MGAT5B: variants seen among roughly 807,000 people sequenced by gnomAD.
The protein encoded by MGAT5B is alpha-1,6-mannosylglycoprotein 6-beta-N-acetylglucosaminyltransferase B.
Under a neutral mutation model 95.1 loss-of-function variants are expected in MGAT5B, and 54 were observed. The ratio of observed to expected loss-of-function variants is 0.57; its 90% CI spans 0.46 to 0.71. The LOEUF (loss-of-function observed/expected upper bound fraction) is 0.71. MGAT5B is among the 30% of genes least tolerant of loss of function. The probability of loss-of-function intolerance (pLI) is 0.00; values close to 1 mark genes in which losing one functional copy is unlikely to be tolerated. For missense variants in MGAT5B, 935 were observed against 1,088.6 expected (o/e 0.86, Z 1.99); for synonymous variants, 464 against 451.0 (o/e 1.03, Z -0.36).
At position 76,897,191 on chromosome 17, in the gene MGAT5B, A is replaced by G. The variant is rs532340329; in HGVS notation, c.330-5364A>G. ...CTTGCCCTCCCGAAGTACTGGGACT[A>G]CAGGCGTGAACCTCTGGGCCTGGTC... On this transcript the variant is annotated intron_variant, in intron 3 of 17. Transcript: ENST00000569840. 3.3e-5 allele frequency among the ~76,000 whole-genome samples: 5 copies of G among 152,302 alleles called. No individual in the cohort carries two copies. The East Asian group carries it at 9.6e-4, about 29-fold the overall frequency.
Position 76,947,926 on chromosome 17 carries a change from C to T in MGAT5B, c.2020C>T (p.Arg674Trp), listed in dbSNP as rs375795136. Residue 674 changes from arginine to tryptophan, a missense_variant, in exon 17 of 18, where the codon CGG (arginine) becomes TGG (tryptophan). By Grantham distance (101) the Arg-to-Trp change is moderately radical. This residue lies in a region of MGAT5B where 440 missense variants were observed against 523.6 expected (regional missense o/e 0.84). Coordinates refer to ENST00000569840, the MANE Select transcript of MGAT5B (RefSeq NM_001199172.2). ...APNATHLEWA[R>W]NTSLAPGAWP... Reference sequence around the variant, plus strand: ...CAATGCCACCCACCTCGAGTGGGCTCGGAACACCAGCTTGGCTCCTGGGGC... The same window carrying T: ...CAATGCCACCCACCTCGAGTGGGCTTGGAACACCAGCTTGGCTCCTGGGGC... The T allele has an allele frequency of 1.1e-5, 17 of 1,613,182 alleles. No homozygotes were observed. Among genetic ancestry groups the T allele is most frequent in the Middle Eastern group, 1.6e-4 (1 of 6,072 alleles).
chr17:76,919,473 A>C (rs1030936645), intron 8 of MGAT5B, among the ~76,000 whole-genome samples: 4 of 152,266 alleles, frequency 2.6e-5, no homozygotes, highest in African/African-American at 9.6e-5. Context: ...TCTGTTGCCC[A>C]GGCTAGAGTG....
At position 76,930,487 on chromosome 17, in the gene MGAT5B, C is replaced by T. The variant is rs1468179320; in HGVS notation, c.1292-2158C>T. 6.6e-6 allele frequency among the ~76,000 whole-genome samples: 1 copy of T among 152,150 alleles called. No individual in the cohort carries two copies. The highest frequency in any genetic ancestry group is 1.5e-5 in the Non-Finnish European group (1 of 68,042). ...CCCAGCCTCCTCACTCACCATAGCC[C>T]CTTCCGTGCGGGAAGGTAGATTAAA... On this transcript the variant is annotated intron_variant, in intron 10 of 17. Coordinates refer to ENST00000569840, the MANE Select transcript of MGAT5B (RefSeq NM_001199172.2). This position sits in a 1 kb window ranked among gnomAD's most constrained non-coding sequence, Gnocchi z 4.1.
rs148044076 is a variant in MGAT5B at position 76,878,398 on chromosome 17, A to G, written c.182-3753A>G. On this transcript the variant is annotated intron_variant, in intron 2 of 17. Coordinates refer to ENST00000569840, the MANE Select transcript of MGAT5B (RefSeq NM_001199172.2). ...TGGGGTGGGGCTTGAAGAACTACAGAAGGGGCATCTGGTTCCGCAGGCATG... is the reference window on the plus strand; with the variant it reads ...TGGGGTGGGGCTTGAAGAACTACAGGAGGGGCATCTGGTTCCGCAGGCATG... Among the ~76,000 whole-genome samples, 517 of 152,248 alleles carry G rather than the reference A, an allele frequency of 3.4e-3. 3 individuals carry two copies. The highest frequency in any genetic ancestry group is 0.012 in the African/African-American group (504 of 41,550).
intron 8 of MGAT5B, among the ~76,000 whole-genome samples, chr17:76,919,744 C>T (rs1203054590): frequency 6.6e-6 from 1 of 152,220 alleles, no homozygotes; most frequent in Non-Finnish European, 1.5e-5. Context: ...TTTTTACAAA[C>T]TTGTAGTAAG....
intron 4 of MGAT5B, among the ~76,000 whole-genome samples, 168 bp downstream of exon 4, chr17:76,902,838 G>A (rs1002366793): frequency 7.2e-6 from 1 of 138,622 alleles, no homozygotes; most frequent in Non-Finnish European, 1.5e-5. Flanking sequence ...ACAACTGGGG[G>A]TTCACTCCCT....
At chr17:76,926,562 T>C in intron 9 of MGAT5B, 35 bp from the exon 10 acceptor site, 1 of 1,585,368 alleles carries the variant, frequency 6.3e-7, no homozygotes, top group Non-Finnish European at 8.6e-7. Context: ...ACGGGGAGGT[T>C]GCTGACCCTG....
Position 76,940,438 on chromosome 17 carries a change from G to GC in MGAT5B, c.1627dup (p.Leu543ProfsTer64), listed in dbSNP as rs778939334. On this transcript the variant is annotated frameshift_variant, in exon 14 of 18. Coordinates refer to ENST00000569840, the MANE Select transcript of MGAT5B (RefSeq NM_001199172.2). LOFTEE classifies it high-confidence loss of function. The surrounding 1 kb of genome is among the most constrained non-coding windows in gnomAD (Gnocchi z 4.3). ...GTTTGGCTTCCCCTACGAGGGCCCC[G>GC]CCCCCCTGGAGGCCATCGCCAATGG... 1.9e-6 allele frequency: 3 copies of GC among 1,612,366 alleles called. No individual in the cohort carries two copies. Among genetic ancestry groups the GC allele is most frequent in the Non-Finnish European group, 2.5e-6 (3 of 1,179,090 alleles).
At chr17:76,948,496 A>C (rs1970105197) in intron 17 of MGAT5B, 144 bp from the exon 18 acceptor site, 2 of 910,932 alleles carry the variant, frequency 2.2e-6, no homozygotes, top group Non-Finnish European at 3.3e-6. Context: ...AAGGAGCCGT[A>C]ACACATTTCC....
In MGAT5B at chr17:76,904,406, C is replaced by T. The variant is rs1485367502; in HGVS notation, c.674C>T (p.Pro225Leu). The part of the protein sequence containing the change: ...NQTAAQRAPK[P>L]LPKVQAVFRS... ...ACGGCTGCCCAGAGGGCACCCAAGC[C>T]CCTCCCCAAAGTCCAGGTGGGCCTG... The change falls in exon 6 of 18, where the codon CCC (proline) becomes CTC (leucine). Residue 225 changes from proline to leucine, a missense_variant. By Grantham distance (98) the Pro-to-Leu change is moderately conservative. This residue lies in a region of MGAT5B where 243 missense variants were observed against 305.5 expected (regional missense o/e 0.80). Transcript: ENST00000569840. 3 of 1,560,550 alleles carry T rather than the reference C, an allele frequency of 1.9e-6. No homozygotes were observed. Among genetic ancestry groups the T allele is most frequent in the Non-Finnish European group, 2.6e-6 (3 of 1,152,596 alleles).
intron 16 of MGAT5B, 53 bp downstream of exon 16, chr17:76,946,503 G>A (rs760954130): frequency 3.4e-6 from 5 of 1,453,382 alleles, no homozygotes; most frequent in African/African-American, 1.4e-5. Flanking sequence ...AGAGGAGGGG[G>A]CTGAGCCAGC....
Position 76,903,250 on chromosome 17 carries a change from C to G in MGAT5B, c.446-53C>G, listed in dbSNP as rs550719568. 4 of 1,468,066 alleles carry G rather than the reference C, an allele frequency of 2.7e-6. No homozygotes were observed. In the East Asian group the frequency reaches 9.6e-5, roughly 35 times the overall value. 90.9% of individuals were successfully genotyped at this position (1,468,066 alleles called of 1,614,324 possible). A position where few individuals can be genotyped will look rare whatever the true frequency, so the allele number is the denominator to read the frequency against. On this transcript the variant is annotated intron_variant, in intron 4 of 17. Coordinates refer to ENST00000569840, the MANE Select transcript of MGAT5B (RefSeq NM_001199172.2). ...CTGCCTCCCGCACGCAGGCCTCCCT[C>G]CCTGGGCTCCTCCTTGGACCAGGGA... is the stretch of plus-strand genomic sequence containing the variant.
At chr17:76,925,761 C>T (rs1969293499) in intron 9 of MGAT5B, among the ~76,000 whole-genome samples, 1 of 152,208 alleles carries the variant, frequency 6.6e-6, no homozygotes, top group African/African-American at 2.4e-5. Context: ...CCAACCTCAG[C>T]ACTCTGCAGA....
intron 12 of MGAT5B, among the ~76,000 whole-genome samples, chr17:76,934,147 TGGGTTGTGTCCACCCAAGAC>T (rs967501488): frequency 6.6e-5 from 10 of 152,208 alleles, no homozygotes; most frequent in Admixed American, 5.9e-4. Context: ...TCTCACCATC[TGGGTTGTGTCCACCCAAGAC>T]GCTACTGTTC....
chr17:76,885,276 C>T (rs1967583446), intron 3 of MGAT5B, among the ~76,000 whole-genome samples: 1 of 152,216 alleles, frequency 6.6e-6, no homozygotes, highest in South Asian at 2.1e-4. Context: ...CCAGCTCCAT[C>T]TTTCTCCCTC....
intron 3 of MGAT5B, among the ~76,000 whole-genome samples, chr17:76,893,280 C>T (rs1487792855): frequency 6.6e-6 from 1 of 152,124 alleles, no homozygotes; most frequent in African/African-American, 2.4e-5. Context: ...TTCCTCTGTG[C>T]CCAGAGCCCA....
At chr17:76,885,213 G>A (rs1000500227) in intron 3 of MGAT5B, among the ~76,000 whole-genome samples, 1 of 152,146 alleles carries the variant, frequency 6.6e-6, no homozygotes, top group Non-Finnish European at 1.5e-5. Context: ...CTGTGTGCAT[G>A]GATCCTTCTT....
rs140608334 is a variant in MGAT5B at position 76,912,494 on chromosome 17, C to T, written c.1025+6307C>T. 4.3e-4 allele frequency among the ~76,000 whole-genome samples: 65 copies of T among 152,304 alleles called. 1 individual carries two copies. Among genetic ancestry groups the T allele is most frequent in the African/African-American group, 1.3e-3 (55 of 41,566 alleles). On this transcript the variant is annotated intron_variant, in intron 8 of 17. Transcript: ENST00000569840. This position sits in a 1 kb window ranked among gnomAD's most constrained non-coding sequence, Gnocchi z 5.0. ...CTCCCTTGGCTGGCGAAATGACCTG[C>T]GTGGGAGGCGGTGGGACAAAGACGC...
chr17:76,920,534 C>G (rs1310321593), intron 8 of MGAT5B, among the ~76,000 whole-genome samples: 2 of 152,334 alleles, frequency 1.3e-5, no homozygotes, highest in East Asian at 3.9e-4. Flanking sequence ...CAGCTGACCT[C>G]TCTGCTCTCC....
Sources: gnomAD v4.1 joint callset for allele counts (sites outside exome capture counted in the v4.1 genomes callset) on GRCh38, gnomAD v4.1.1 for gene constraint, gnomAD v4.1.1 regional missense constraint, Gnocchi (gnomAD v3.1) non-coding constraint, MANE v1.5 for transcripts, NCBI Gene and HGNC (gene_info 2026-07-23, HGNC 2026-07-21) for gene names.